Variants in BLTP1 observed in about 807,000 individuals in gnomAD.
The protein encoded by BLTP1 is fragile site-associated protein.
At chr4:122,301,279 C>A in the BLTP1 span, 2 of 1,546,328 alleles carry the variant, frequency 1.3e-6, no homozygotes, top group East Asian at 2.3e-5. Context: ...AAAAATTGTC[C>A]CGAACTCTTC....
At chr4:122,251,966 A>G in the BLTP1 span, among the ~76,000 whole-genome samples, 1 of 152,074 alleles carries the variant, frequency 6.6e-6, no homozygotes, top group South Asian at 2.1e-4. Flanking sequence ...CCTTTTAGAC[A>G]TCATCATTTA....
the BLTP1 span, chr4:122,226,809 A>G: frequency 6.2e-7 from 1 of 1,611,382 alleles, no homozygotes; most frequent in Non-Finnish European, 8.5e-7. Context: ...TCAGCATGGA[A>G]TTGATCGTCG....
At chr4:122,256,265 G>T in the BLTP1 span, 1 of 710,028 alleles carries the variant, frequency 1.4e-6, no homozygotes, top group Non-Finnish European at 1.7e-6. Flanking sequence ...TAGACCTAAG[G>T]CTGGTGTAGT....
At chr4:122,249,408 A>T in the BLTP1 span, 1 of 1,555,474 alleles carries the variant, frequency 6.4e-7, no homozygotes, top group Non-Finnish European at 8.7e-7. Flanking sequence ...CCAGTGTGCC[A>T]TATGTCCAAA....
the BLTP1 span, chr4:122,316,644 CTTTGA>C: frequency 6.6e-7 from 1 of 1,511,944 alleles, no homozygotes; most frequent in African/African-American, 1.4e-5. Flanking sequence ...TTCTTGCATG[CTTTGA>C]TTTAAGGTGT....
the BLTP1 span, chr4:122,261,639 A>G: frequency 1.0e-6 from 1 of 984,606 alleles, no homozygotes; most frequent in East Asian, 1.1e-4. Flanking sequence ...TAGGAAGGAT[A>G]ATTTAGTGTT....
At chr4:122,310,138 CT>C in the BLTP1 span, among the ~76,000 whole-genome samples, 1 of 151,970 alleles carries the variant, frequency 6.6e-6, no homozygotes, top group Non-Finnish European at 1.5e-5. Flanking sequence ...AAATTACTTA[CT>C]TTTTAGAAAG....
chr4:122,272,108 C>T, the BLTP1 span: 2 of 1,569,666 alleles, frequency 1.3e-6, no homozygotes, highest in Non-Finnish European at 1.7e-6. Flanking sequence ...GAATGTCCTT[C>T]CATTTTTCAG....
chr4:122,343,609 A>C, the BLTP1 span: 10 of 1,613,532 alleles, frequency 6.2e-6, no homozygotes, highest in East Asian at 4.5e-5. Context: ...CAGGAGGATT[A>C]GGTATACTTT....
chr4:122,348,640 AAC>A, the BLTP1 span: 1 of 1,612,578 alleles, frequency 6.2e-7, no homozygotes, highest in Non-Finnish European at 8.5e-7. Context: ...CCCCATGGGA[AAC>A]ACTTGTCGTG....
chr4:122,240,997 T>A, the BLTP1 span, among the ~76,000 whole-genome samples: 1 of 152,186 alleles, frequency 6.6e-6, no homozygotes, highest in Admixed American at 6.5e-5. Context: ...GAAATGGATA[T>A]GGAGCTTATG....
chr4:122,287,503 C>T, the BLTP1 span: 94 of 851,338 alleles, frequency 1.1e-4, no homozygotes, highest in Admixed American at 1.6e-3. Context: ...GCAGGAGCCA[C>T]GCCTTAGTGG....
the BLTP1 span, chr4:122,312,675 C>A: frequency 4.9e-6 from 1 of 205,392 alleles, no homozygotes; most frequent in Non-Finnish European, 8.6e-6. Flanking sequence ...TTTAAAAAAA[C>A]ATAATAACAA....
the BLTP1 span, among the ~76,000 whole-genome samples, chr4:122,165,998 A>G: frequency 6.6e-6 from 1 of 151,948 alleles, no homozygotes; most frequent in Non-Finnish European, 1.5e-5. Context: ...AGTAGATTGC[A>G]AAAATTTTCT....
chr4:122,347,160 A>G, the BLTP1 span: 1 of 984,196 alleles, frequency 1.0e-6, no homozygotes, highest in East Asian at 1.1e-4. Context: ...GGGACATGTT[A>G]CTAGCTTGCC....
At chr4:122,200,789 T>G in the BLTP1 span, 1 of 884,722 alleles carries the variant, frequency 1.1e-6, no homozygotes, top group Non-Finnish European at 1.4e-6. Flanking sequence ...TTCTGAAAGT[T>G]TTTTGACCAC....
the BLTP1 span, chr4:122,325,935 T>G: frequency 5.9e-6 from 5 of 843,696 alleles, no homozygotes; most frequent in African/African-American, 7.2e-5. Flanking sequence ...CTAAGAACAA[T>G]ATAAATTTTG....
chr4:122,253,935 T>C, the BLTP1 span, among the ~76,000 whole-genome samples: 1 of 152,164 alleles, frequency 6.6e-6, no homozygotes, highest in Non-Finnish European at 1.5e-5. Flanking sequence ...GATGGAGCTC[T>C]GATAAAACTG....
the BLTP1 span, chr4:122,354,164 T>A: frequency 1.2e-5 from 8 of 674,050 alleles, no homozygotes; most frequent in Non-Finnish European, 1.8e-5. Context: ...AAGTAATAAT[T>A]ATTTAATACC....
Sources: gnomAD v4.1 joint callset for allele counts (sites outside exome capture counted in the v4.1 genomes callset) on GRCh38, gnomAD v4.1.1 for gene constraint, MANE v1.5 for transcripts, NCBI Gene and HGNC (gene_info 2026-07-23, HGNC 2026-07-21) for gene names.